The following CUTA variants were observed in gnomAD, a reference collection of about 807,000 sequenced individuals.
CUTA encodes the protein protein CutA.
Under a neutral mutation model 20.7 loss-of-function variants are expected in CUTA, and 21 were observed. The observed-to-expected ratio is 1.01, with a 90% confidence interval of 0.72 to 1.46. The LOEUF (loss-of-function observed/expected upper bound fraction) is 1.46, where lower values mean the gene tolerates loss of function less well. Ranked by LOEUF, CUTA falls within the 40% of genes most tolerant of loss-of-function variation. The pLI, the probability that CUTA is intolerant of heterozygous loss-of-function variation, is 0.00. For synonymous variants in CUTA, 99 were observed against 97.9 expected (o/e 1.01, Z -0.07); for missense variants, 231 against 226.8 (o/e 1.02, Z -0.12).
chr6:33,416,578 C>CA lies in CUTA; in HGVS notation c.*71dup. 1.1e-6 allele frequency: 1 copy of CA among 910,098 alleles called. No individual in the cohort carries two copies. Among genetic ancestry groups the CA allele is most frequent in the Non-Finnish European group, 1.8e-6 (1 of 545,098 alleles). The allele number at this position is 910,098 out of a possible 1,614,324, so 56.4% of individuals were successfully genotyped here. On this transcript the variant is annotated 3_prime_UTR_variant, in exon 6 of 6. Coordinates refer to ENST00000488034, the MANE Select transcript of CUTA (RefSeq NM_001014840.2). ...CCAAAGACGGGATTTATTGGGGGCC[C>CA]AGTCATCACCTGGAAGTCAGAAGGC... is the stretch of plus-strand genomic sequence containing the variant.
In CUTA at chr6:33,417,972, A is replaced by C; in HGVS notation, c.29T>G (p.Leu10Arg). The C allele has an allele frequency of 1.2e-6, 2 of 1,606,272 alleles. No homozygotes were observed. The highest frequency in any genetic ancestry group is 1.7e-6 in the Non-Finnish European group (2 of 1,176,580). Reference sequence around the variant, plus strand: ...CCGGTCACTCACCACTCCGCCGAGCAGGACCGCGGGAGCCCGCCCCCCACT... The same window carrying C: ...CCGGTCACTCACCACTCCGCCGAGCCGGACCGCGGGAGCCCGCCCCCCACT... MSGGRAPAV[L>R]LGGVASLLLS... Residue 10 changes from leucine to arginine, a missense_variant, in exon 1 of 6, where the codon CTG (leucine) becomes CGG (arginine). Leu to Arg is a moderately radical substitution (Grantham distance 102). Coordinates refer to ENST00000488034, the MANE Select transcript of CUTA (RefSeq NM_001014840.2).
In CUTA at chr6:33,418,085, A is replaced by T. The variant is rs113257612; in HGVS notation, c.-85T>A. ...ACCCCAGGAAGAGCGGCCTCTTCTT[A>T]CCTGGGTGGCAGCCACGTGATTAGA... On this transcript the variant is annotated 5_prime_UTR_variant, in exon 1 of 6. Coordinates refer to ENST00000488034, the MANE Select transcript of CUTA (RefSeq NM_001014840.2). This position sits in a 1 kb window ranked among gnomAD's most constrained non-coding sequence, Gnocchi z 5.7. The T allele has an allele frequency of 1.2e-6, 2 of 1,614,170 alleles. No individual in the cohort carries two copies. Among genetic ancestry groups the T allele is most frequent in the Admixed American group, 1.7e-5 (1 of 60,030 alleles).
In CUTA at chr6:33,416,481, G is replaced by T; in HGVS notation, c.*169C>A. ...CATTCTGAAAGATGTAGAGAATACA[G>T]GGACTAGAAGCACTTATATTCTCCC... On this transcript the variant is annotated 3_prime_UTR_variant, in exon 6 of 6. Transcript: ENST00000488034. 2 of 620,732 alleles carry T rather than the reference G, an allele frequency of 3.2e-6. No homozygotes were observed. Among genetic ancestry groups the T allele is most frequent in the East Asian group, 5.3e-5 (2 of 37,496 alleles). 38.5% of individuals were successfully genotyped at this position (620,732 alleles called of 1,614,324 possible).
Position 33,417,521 on chromosome 6 carries a change from C to T in CUTA, c.217G>A (p.Val73Ile), listed in dbSNP as rs139820365. 4.6e-5 allele frequency: 75 copies of T among 1,613,992 alleles called. No individual in the cohort carries two copies. Among genetic ancestry groups the T allele is most frequent in the Non-Finnish European group, 6.0e-5 (71 of 1,180,044 alleles). ...YVPGSVSAAFVTCPNEKVAKE... is the reference protein window; with the variant it reads ...YVPGSVSAAFITCPNEKVAKE... ...GCGACCTTCTCGTTGGGGCAAGTAA[C>T]AAAGGCTGCAGAGACCGAGCCCGGA... is the stretch of plus-strand genomic sequence containing the variant. The change falls in exon 2 of 6, where the codon GTT becomes ATT. Residue 73 changes from valine to isoleucine, a missense_variant. By Grantham distance (29) the Val-to-Ile change is conservative. Coordinates refer to ENST00000488034, the MANE Select transcript of CUTA (RefSeq NM_001014840.2).
Position 33,416,956 on chromosome 6 carries a change from T to C in CUTA, c.377A>G (p.Gln126Arg). ...TGTCAAAGCTGGGACCAAGGAACTT[T>C]GGGTTTTAATCATCTAAGGGACAAA... ...DSEVLMMIKT[Q>R]SSLVPALTDF... The change falls in exon 5 of 6, where the codon CAA becomes CGA. Residue 126 changes from glutamine to arginine, a missense_variant. Physicochemically the swap from Gln to Arg is conservative, Grantham distance 43 (BLOSUM62 1). Transcript: ENST00000488034. 5.0e-6 allele frequency: 8 copies of C among 1,614,124 alleles called. No individual in the cohort carries two copies. Among genetic ancestry groups the C allele is most frequent in the Non-Finnish European group, 6.8e-6 (8 of 1,180,018 alleles).
Position 33,416,652 on chromosome 6 carries a change from A to G in CUTA, c.538T>C (p.Ter180ArgextTer1), listed in dbSNP as rs756136957. The G allele has an allele frequency of 4.5e-6, 7 of 1,540,872 alleles. No individual in the cohort carries two copies. The highest frequency in any genetic ancestry group is 2.2e-5 in the East Asian group (1 of 44,508). ...ATGATGAGCAGGAACAGGGCTCATC[A>G]TGGCAGGACTGTGATAGAGTCAGAA... is the stretch of plus-strand genomic sequence containing the variant. Reference protein sequence around the residue: ...SVSDSITVLP* With the variant: ...SVSDSITVLPR The change falls in exon 6 of 6, where the codon TGA becomes CGA. Residue 180 changes from the stop codon to arginine, a stop_lost. Coordinates refer to ENST00000488034, the MANE Select transcript of CUTA (RefSeq NM_001014840.2).
At position 33,417,555 on chromosome 6, in the gene CUTA, A is replaced by G; in HGVS notation, c.183T>C (p.Ser61=). 1.2e-6 allele frequency: 2 copies of G among 1,614,188 alleles called. No individual in the cohort carries two copies. The highest frequency in any genetic ancestry group is 1.1e-5 in the South Asian group (1 of 91,082). The change falls in exon 2 of 6, where the codon TCT becomes TCC. Residue 61 remains serine, a synonymous_variant. Transcript: ENST00000488034. ...TQPSPASDSG[S]GYVPGSVSAA... ...CAGAGACCGAGCCCGGAACGTAGCC[A>G]GAGCCGGAATCCGAGGCCGGCGAGG...
Position 33,417,299 on chromosome 6 carries a change from T to A in CUTA, c.269A>T (p.Glu90Val), listed in dbSNP as rs200376394. 9 of 1,614,200 alleles carry A rather than the reference T, an allele frequency of 5.6e-6. No homozygotes were observed. In the East Asian group the frequency reaches 1.1e-4, roughly 20 times the overall value. The change falls in exon 3 of 6, where the codon GAG becomes GTG. Residue 90 changes from glutamate (E) to valine (V), a missense_variant. Coordinates refer to ENST00000488034, the MANE Select transcript of CUTA (RefSeq NM_001014840.2). Reference sequence around the variant, plus strand: ...GTTGACGCAGGCTGCTAGGCGCTTCTCCACCACGGCCCTGGAGTGAAGAGA... The same window carrying A: ...GTTGACGCAGGCTGCTAGGCGCTTCACCACCACGGCCCTGGAGTGAAGAGA... ...VAKEIARAVV[E>V]KRLAACVNLI...
In CUTA at chr6:33,417,461, C is replaced by G. The variant is rs1776578657; in HGVS notation, c.257+20G>C. On this transcript the variant is annotated intron_variant, in intron 2 of 5. Transcript: ENST00000488034. ...GTCCCTTCATGATCATCCTTTCTCG[C>G]TGCACATCGAGGTCCCTACCTGGCG... is the stretch of plus-strand genomic sequence containing the variant. 6.2e-7 allele frequency: 1 copy of G among 1,613,716 alleles called. No homozygotes were observed. The highest frequency in any genetic ancestry group is 8.5e-7 in the Non-Finnish European group (1 of 1,179,752).
In CUTA at chr6:33,417,436, G is replaced by A. The variant is rs1776577921; in HGVS notation, c.257+45C>T. ...GCACTCTTCTGCCCCACCCCCAACTGTCCCTTCATGATCATCCTTTCTCGC... is the reference window on the plus strand; with the variant it reads ...GCACTCTTCTGCCCCACCCCCAACTATCCCTTCATGATCATCCTTTCTCGC... On this transcript the variant is annotated intron_variant, in intron 2 of 5. Transcript: ENST00000488034. The A allele has an allele frequency of 3.1e-6, 5 of 1,612,622 alleles. No homozygotes were observed. The Admixed American group carries it at 6.7e-5, about 22-fold the overall frequency.
rs868210240 is a variant in CUTA, at chr6:33,417,266, G to C, written c.302C>G (p.Pro101Arg). Residue 101 changes from proline to arginine, a missense_variant, in exon 3 of 6, where the codon CCT (proline) becomes CGT (arginine). Physicochemically the swap from Pro to Arg is moderately radical, Grantham distance 103. Transcript: ENST00000488034. ...TATGACTCACATGGATGTAATCTGA[G>C]GGATGAGGTTGACGCAGGCTGCTAG... Reference protein sequence around the residue: ...KRLAACVNLIPQITSIYEWKG... With the variant: ...KRLAACVNLIRQITSIYEWKG... 1 of 1,614,218 alleles carries C rather than the reference G, an allele frequency of 6.2e-7. No homozygotes were observed. The highest frequency in any genetic ancestry group is 1.7e-5 in the Admixed American group (1 of 60,024).
chr6:33,418,094 G>T lies in CUTA; in HGVS notation c.-94C>A. 2.5e-6 allele frequency: 4 copies of T among 1,614,044 alleles called. No individual in the cohort carries two copies. Among genetic ancestry groups the T allele is most frequent in the Non-Finnish European group, 3.4e-6 (4 of 1,180,006 alleles). ...AGAGCGGCCTCTTCTTACCTGGGTGGCAGCCACGTGATTAGAAAACAGCGC... is the reference window on the plus strand; with the variant it reads ...AGAGCGGCCTCTTCTTACCTGGGTGTCAGCCACGTGATTAGAAAACAGCGC... On this transcript the variant is annotated 5_prime_UTR_variant, in exon 1 of 6. Coordinates refer to ENST00000488034, the MANE Select transcript of CUTA (RefSeq NM_001014840.2). This position sits in a 1 kb window ranked among gnomAD's most constrained non-coding sequence, Gnocchi z 5.7.
chr6:33,416,972 A>G lies in CUTA; in HGVS notation c.364-3T>C, dbSNP rs1160705637. Reference sequence around the variant, plus strand: ...AAGGAACTTTGGGTTTTAATCATCTAAGGGACAAAGATAAACATGGTTGAA... The same window carrying G: ...AAGGAACTTTGGGTTTTAATCATCTGAGGGACAAAGATAAACATGGTTGAA... On this transcript the variant is annotated splice_polypyrimidine_tract_variant and splice_region_variant and intron_variant, in intron 4 of 5. Transcript: ENST00000488034. The G allele has an allele frequency of 3.7e-6, 6 of 1,614,100 alleles. No individual in the cohort carries two copies. The highest frequency in any genetic ancestry group is 5.1e-6 in the Non-Finnish European group (6 of 1,179,984).
At chr6:33,416,882 A>C (rs781641759) in intron 5 of CUTA, 38 bp downstream of exon 5, 14 of 1,612,744 alleles carry the variant, frequency 8.7e-6, no homozygotes, top group Non-Finnish European at 1.7e-6. Context: ...ACACCCACAC[A>C]GTACACACCC....
At chr6:33,417,364 C>A in intron 2 of CUTA, 54 bp from the exon 3 acceptor site, 2 of 1,613,622 alleles carry the variant, frequency 1.2e-6, no homozygotes, top group Non-Finnish European at 1.7e-6. Context: ...AGTTTTTGTA[C>A]TGGCAGCCCA....
chr6:33,417,450 A>G lies in CUTA; in HGVS notation c.257+31T>C, dbSNP rs370777376. The G allele has an allele frequency of 5.3e-4, 861 of 1,613,422 alleles. 9 individuals carry two copies. In the South Asian group the frequency reaches 8.2e-3, roughly 15 times the overall value. ...CACCCCCAACTGTCCCTTCATGATC[A>G]TCCTTTCTCGCTGCACATCGAGGTC... is the stretch of plus-strand genomic sequence containing the variant. On this transcript the variant is annotated intron_variant, in intron 2 of 5. Coordinates refer to ENST00000488034, the MANE Select transcript of CUTA (RefSeq NM_001014840.2).
rs1776580326 is a variant in CUTA, at chr6:33,417,486, G to A, written c.252C>T (p.Ile84=). ...TCPNEKVAKE[I]ARAVVEKRLA... ...CTGCACATCGAGGTCCCTACCTGGCGATCTCCTTGGCGACCTTCTCGTTGG... is the reference window on the plus strand; with the variant it reads ...CTGCACATCGAGGTCCCTACCTGGCAATCTCCTTGGCGACCTTCTCGTTGG... The change falls in exon 2 of 6, where the codon ATC becomes ATT. Residue 84 remains isoleucine, a synonymous_variant. Coordinates refer to ENST00000488034, the MANE Select transcript of CUTA (RefSeq NM_001014840.2). 2 of 1,614,000 alleles carry A rather than the reference G, an allele frequency of 1.2e-6. No homozygotes were observed. The highest frequency in any genetic ancestry group is 1.7e-5 in the Admixed American group (1 of 60,004).
chr6:33,417,057 G>C, intron 4 of CUTA, 40 bp downstream of exon 4: 1 of 1,612,014 alleles, frequency 6.2e-7, no homozygotes, highest in Middle Eastern at 1.7e-4. Flanking sequence ...AGGGGTCAGG[G>C]ATTGGGGATA....
Position 33,417,630 on chromosome 6 carries a change from C to T in CUTA, c.108G>A (p.Leu36=). Residue 36 remains leucine (L), a synonymous_variant, in exon 2 of 6, where the codon TTG becomes TTA. Transcript: ENST00000488034. ...ALLPVASRLL[L]LPRVLLTMAS... is the part of the protein sequence containing the mutation. ...CCATGGTCAGCAAGACTCGGGGTAG[C>T]AACAAAAGGCGGGAGGCCACAGGCA... 6.2e-7 allele frequency: 1 copy of T among 1,613,554 alleles called. No individual in the cohort carries two copies.
Sources: allele counts gnomAD v4.1 joint callset, GRCh38; gene constraint gnomAD v4.1.1; non-coding constraint Gnocchi (gnomAD v3.1); transcripts MANE v1.5; gene names NCBI Gene and HGNC (gene_info 2026-07-23, HGNC 2026-07-21).